The following GPR84 variants were observed in gnomAD, a reference collection of about 807,000 sequenced individuals.
The protein encoded by GPR84 is G-protein coupled receptor 84.
A neutral mutation model predicts 14.9 loss-of-function variants in GPR84; 8 were observed. The observed-to-expected ratio is 0.54, with a 90% CI of 0.31 to 0.97. The LOEUF (loss-of-function observed/expected upper bound fraction) is 0.97, where lower values mean the gene tolerates loss of function less well. Among genes scored for constraint, GPR84 ranks in the 50% least tolerant of loss-of-function variants. The pLI is 0.04. For missense variants in GPR84, 424 were observed against 498.7 expected, an observed-to-expected ratio of 0.85 and a Z score of 1.43; for synonymous variants, 164 against 198.1, an observed-to-expected ratio of 0.83 and a Z score of 1.45.
chr12:54,351,835 A>AT, the GPR84 span: 1 of 151,864 alleles, frequency 6.6e-6, no homozygotes, highest in African/African-American at 2.4e-5. Context: ...GGAATAAAAC[A>AT]TTTTTTCCAA....
Position 54,362,711 on chromosome 12 carries a change from A to G in GPR84, c.1141T>C (p.Tyr381His). ...AAMNRQFRQA[Y>H]GSILKRGPRS... ...GGCCCTCTTTTTAAAATGGAGCCAT[A>G]TGCTTGGCGGAATTGGCGGTTCATG... The change falls in exon 2 of 2, where the codon TAT becomes CAT. Residue 381 changes from tyrosine to histidine, a missense_variant. By Grantham distance (83) the Tyr-to-His change is moderately conservative (BLOSUM62 2). Coordinates refer to ENST00000267015, the MANE Select transcript of GPR84 (RefSeq NM_020370.3). This position sits in a 1 kb window ranked among gnomAD's most constrained non-coding sequence, Gnocchi z 4.0. 6.2e-7 allele frequency: 1 copy of G among 1,613,782 alleles called. No homozygotes were observed. Among genetic ancestry groups the G allele is most frequent in the Non-Finnish European group, 8.5e-7 (1 of 1,179,714 alleles).
rs199635407 is a variant in GPR84, at chr12:54,363,814, T to C, written c.38A>G (p.His13Arg). Reference sequence around the variant, plus strand: ...ATAACGATAGCCCAGCACAGACTCATGGTAGCAGGAGAAGTTGGCGTCAGA... The same window carrying C: ...ATAACGATAGCCCAGCACAGACTCACGGTAGCAGGAGAAGTTGGCGTCAGA... ...NSSDANFSCY[H>R]ESVLGYRYVA... The change falls in exon 2 of 2, where the codon CAT becomes CGT. Residue 13 changes from histidine (H) to arginine (R), a missense_variant. Coordinates refer to ENST00000267015, the MANE Select transcript of GPR84 (RefSeq NM_020370.3). 5.6e-6 allele frequency: 9 copies of C among 1,605,998 alleles called. No homozygotes were observed. In the East Asian group the frequency reaches 2.0e-4, roughly 36 times the overall value.
chr12:54,358,383 C>T (rs117522984), downstream of GPR84, among the ~76,000 whole-genome samples: 11 of 152,222 alleles, frequency 7.2e-5, no homozygotes, highest in East Asian at 1.9e-3. Context: ...GTAGTCTTCT[C>T]TCACGGCACC....
chr12:54,362,739 T>C lies in GPR84; in HGVS notation c.1113A>G (p.Ala371=). ...LNGCINPVLY[A]AMNRQFRQAY... ...CTTGGCGGAATTGGCGGTTCATGGC[T>C]GCATAGAGCACAGGGTTGATGCAAC... The change falls in exon 2 of 2, where the codon GCA becomes GCG. Residue 371 remains alanine, a synonymous_variant. Coordinates refer to ENST00000267015, the MANE Select transcript of GPR84 (RefSeq NM_020370.3). The surrounding 1 kb of genome is among the most constrained non-coding windows in gnomAD (Gnocchi z 4.0). 6.2e-7 allele frequency: 1 copy of C among 1,614,134 alleles called. No homozygotes were observed. Among genetic ancestry groups the C allele is most frequent in the Non-Finnish European group, 8.5e-7 (1 of 1,180,014 alleles).
downstream of GPR84, among the ~76,000 whole-genome samples, chr12:54,358,227 G>A (rs538485334): frequency 4.9e-4 from 74 of 152,260 alleles, no homozygotes; most frequent in African/African-American, 1.6e-3. Flanking sequence ...GAGGAGTGAG[G>A]TGCATGGGAT....
At chr12:54,356,163 G>C in the GPR84 span, among the ~76,000 whole-genome samples, 1 of 152,144 alleles carries the variant, frequency 6.6e-6, no homozygotes, top group Non-Finnish European at 1.5e-5. Flanking sequence ...GACTTCTCAA[G>C]AACAGGCCCT....
the GPR84 span, chr12:54,351,987 A>C: frequency 6.6e-6 from 1 of 150,690 alleles, no homozygotes; most frequent in Non-Finnish European, 1.5e-5. Context: ...CCCATCCCTA[A>C]TTTACGGGGC....
chr12:54,352,452 T>G, the GPR84 span, among the ~76,000 whole-genome samples: 1 of 152,232 alleles, frequency 6.6e-6, no homozygotes, highest in South Asian at 2.1e-4. Context: ...CTGGGGGTTT[T>G]ATGGTTGCCG....
At chr12:54,356,803 C>T in the GPR84 span, among the ~76,000 whole-genome samples, 4 of 152,176 alleles carry the variant, frequency 2.6e-5, no homozygotes, top group Admixed American at 1.3e-4. Context: ...CTCTTAAACT[C>T]CTCTGCAAGC....
rs922000448 is a variant in GPR84 at position 54,363,793 on chromosome 12, C to T, written c.59G>A (p.Arg20His). ...SCYHESVLGY[R>H]YVAVSWGVVV... is the part of the protein sequence containing the mutation. ...CACCCCCCAGCTAACTGCAACATAA[C>T]GATAGCCCAGCACAGACTCATGGTA... Residue 20 changes from arginine to histidine, a missense_variant, in exon 2 of 2, where the codon CGT becomes CAT. Transcript: ENST00000267015. The T allele has an allele frequency of 1.1e-5, 18 of 1,612,438 alleles. No individual in the cohort carries two copies. Among genetic ancestry groups the T allele is most frequent in the Non-Finnish European group, 1.5e-5 (18 of 1,179,448 alleles).
chr12:54,360,914 G>A (rs995282692), downstream of GPR84, among the ~76,000 whole-genome samples: 1 of 152,140 alleles, frequency 6.6e-6, no homozygotes, highest in African/African-American at 2.4e-5. Flanking sequence ...AAGCTTTGGG[G>A]GAAAGGGAGG....
chr12:54,362,257 C>T (rs1289381194), downstream of GPR84, among the ~76,000 whole-genome samples: 1 of 152,146 alleles, frequency 6.6e-6, no homozygotes, highest in Non-Finnish European at 1.5e-5. This position sits in a 1 kb window ranked among gnomAD's most constrained non-coding sequence, Gnocchi z 4.0. Context: ...ACCTAGGTAC[C>T]CCTGAATCCT....
intron 1 of GPR84, 181 bp from the exon 2 acceptor site, chr12:54,364,040 T>C (rs1348402335): frequency 5.9e-6 from 3 of 506,682 alleles, no homozygotes; most frequent in Non-Finnish European, 1.0e-5. Context: ...CTCCTTAGGT[T>C]CTCTTAGTCC....
In GPR84 at chr12:54,362,793, C is replaced by T; in HGVS notation, c.1059G>A (p.Met353Ile). 1 of 1,614,194 alleles carries T rather than the reference C, an allele frequency of 6.2e-7. No homozygotes were observed. Residue 353 changes from methionine (M) to isoleucine (I), a missense_variant, in exon 2 of 2, where the codon ATG (methionine) becomes ATA (isoleucine). Transcript: ENST00000267015. The surrounding 1 kb of genome is among the most constrained non-coding windows in gnomAD (Gnocchi z 4.0). Reference sequence around the variant, plus strand: ...TGAGCCAGGTGAGGTTGGCAGCAAGCATGTGGACCACCCGGGGAGCCTGGA... The same window carrying T: ...TGAGCCAGGTGAGGTTGGCAGCAAGTATGTGGACCACCCGGGGAGCCTGGA... ...ARVQAPRVVH[M>I]LAANLTWLNG...
At chr12:54,357,822 TC>T (rs1954225129), downstream of GPR84, among the ~76,000 whole-genome samples, 1 of 152,170 alleles carries the variant, frequency 6.6e-6, no homozygotes, top group African/African-American at 2.4e-5. Context: ...AATGGGCTTC[TC>T]CCCACCTTCT....
the GPR84 span, among the ~76,000 whole-genome samples, chr12:54,355,319 T>C: frequency 9.5e-6 from 1 of 105,054 alleles, no homozygotes; most frequent in African/African-American, 4.5e-5. Flanking sequence ...ATAAGTCCTG[T>C]GTGTGTGAGT....
Position 54,362,764 on chromosome 12 carries a change from C to A in GPR84, c.1088G>T (p.Gly363Val). 3 of 1,614,146 alleles carry A rather than the reference C, an allele frequency of 1.9e-6. No homozygotes were observed. Among genetic ancestry groups the A allele is most frequent in the Non-Finnish European group, 2.5e-6 (3 of 1,180,024 alleles). ...TGCATAGAGCACAGGGTTGATGCAA[C>A]CATTGAGCCAGGTGAGGTTGGCAGC... ...MLAANLTWLN[G>V]CINPVLYAAM... The change falls in exon 2 of 2, where the codon GGT becomes GTT. Residue 363 changes from glycine (G) to valine (V), a missense_variant. Gly to Val is a moderately radical substitution (Grantham distance 109). Coordinates refer to ENST00000267015, the MANE Select transcript of GPR84 (RefSeq NM_020370.3). This position sits in a 1 kb window ranked among gnomAD's most constrained non-coding sequence, Gnocchi z 4.0.
the GPR84 span, among the ~76,000 whole-genome samples, chr12:54,354,679 T>G: frequency 1.3e-5 from 2 of 149,920 alleles, no homozygotes; most frequent in Non-Finnish European, 3.0e-5. Context: ...TTCTGACCTC[T>G]GGTGATCCGC....
At chr12:54,364,144 T>G (rs1227545990) in intron 1 of GPR84, 2 of 283,676 alleles carry the variant, frequency 7.1e-6, no homozygotes, top group Non-Finnish European at 1.3e-5. Context: ...AGTCCTCTTC[T>G]ATATCCATCC....
Sources: gnomAD v4.1 joint callset for allele counts (sites outside exome capture counted in the v4.1 genomes callset) on GRCh38, gnomAD v4.1.1 for gene constraint, Gnocchi (gnomAD v3.1) non-coding constraint, MANE v1.5 for transcripts, NCBI Gene and HGNC (gene_info 2026-07-23, HGNC 2026-07-21) for gene names.